Variants in RAB38 observed in about 807,000 individuals in gnomAD.
RAB38 encodes the protein ras-related protein Rab-38.
Under a neutral mutation model 18.4 loss-of-function variants are expected in RAB38, and 15 were observed. The ratio of observed to expected loss-of-function variants is 0.82; its 90% CI spans 0.55 to 1.26. The LOEUF (loss-of-function observed/expected upper bound fraction) is 1.26, where lower values mean the gene tolerates loss of function less well. Ranked by LOEUF, RAB38 falls within the 50% of genes most tolerant of loss-of-function variation. RAB38 has a pLI of 0.00. For missense variants in RAB38, 294 were observed against 267.4 expected (o/e 1.10, Z -0.69); for synonymous variants, 101 against 104.4 (o/e 0.97, Z 0.20).
chr11:88,040,260 A>T, the RAB38 span, among the ~76,000 whole-genome samples: 1 of 152,182 alleles, frequency 6.6e-6, no homozygotes, highest in Non-Finnish European at 1.5e-5. Context: ...TTCATTCTGC[A>T]TCCTCTCTCC....
chr11:87,838,006 A>G, the RAB38 span, among the ~76,000 whole-genome samples: 11 of 152,184 alleles, frequency 7.2e-5, no homozygotes, highest in African/African-American at 2.7e-4. Flanking sequence ...TTTTTAATAA[A>G]TACTTGGTTA....
chr11:87,893,386 A>ATG, the RAB38 span, among the ~76,000 whole-genome samples: 58,733 of 90,710 alleles, frequency 0.65, 18,197 homozygotes, highest in East Asian at 0.82. Context: ...ATATATATAT[A>ATG]TATATTTTTT....
intron 1 of RAB38, among the ~76,000 whole-genome samples, chr11:88,159,240 T>TA (rs1379764951): frequency 4.5e-5 from 5 of 112,018 alleles, no homozygotes; most frequent in South Asian, 2.9e-4. Context: ...TAAATAAAAA[T>TA]AAAATAAAAT....
chr11:88,142,162 G>A (rs1264598324), intron 2 of RAB38, among the ~76,000 whole-genome samples: 1 of 152,188 alleles, frequency 6.6e-6, no homozygotes, highest in Admixed American at 6.5e-5. Flanking sequence ...AAAGACTGCT[G>A]AGAAGCATGG....
At chr11:88,043,041 CT>C in the RAB38 span, among the ~76,000 whole-genome samples, 116,334 of 151,826 alleles carry the variant, frequency 0.77, 45,057 homozygotes, top group African/African-American at 0.88. Flanking sequence ...AACTAATTTC[CT>C]TTTTTTTTAC....
chr11:88,102,478 C>T, the RAB38 span, among the ~76,000 whole-genome samples: 1 of 152,026 alleles, frequency 6.6e-6, no homozygotes, highest in Admixed American at 6.6e-5. Context: ...AGGAATTGCA[C>T]ACAATTTCTG....
rs1482791632 is a variant in RAB38, at chr11:88,175,437, T to A, written c.-53A>T. 1 of 1,575,600 alleles carries A rather than the reference T, an allele frequency of 6.3e-7. No individual in the cohort carries two copies. The highest frequency in any genetic ancestry group is 8.7e-7 in the Non-Finnish European group (1 of 1,152,896). ...CTGACCAGGGAAGCGCAGCCTGGGC[T>A]CTGCGCACGAGAGAGACTTGGGGAG... is the stretch of plus-strand genomic sequence containing the variant. On this transcript the variant is annotated 5_prime_UTR_variant, in exon 1 of 3. Transcript: ENST00000243662.
At chr11:88,042,911 T>A in the RAB38 span, among the ~76,000 whole-genome samples, 1 of 152,160 alleles carries the variant, frequency 6.6e-6, no homozygotes, top group Non-Finnish European at 1.5e-5. Flanking sequence ...GAGGGTAATA[T>A]AAGAAAATTT....
the RAB38 span, among the ~76,000 whole-genome samples, chr11:87,912,735 C>A: frequency 8.2e-6 from 1 of 122,642 alleles, no homozygotes; most frequent in Non-Finnish European, 1.8e-5. Context: ...TTCCTTTTTT[C>A]TACTTACTTT....
the RAB38 span, among the ~76,000 whole-genome samples, chr11:87,814,880 C>A: frequency 6.6e-6 from 1 of 151,944 alleles, no homozygotes; most frequent in Admixed American, 6.6e-5. Flanking sequence ...ACTACAGGCA[C>A]CCACCACAGC....
the RAB38 span, among the ~76,000 whole-genome samples, chr11:87,853,147 T>G: frequency 6.6e-6 from 1 of 152,268 alleles, no homozygotes; most frequent in Non-Finnish European, 1.5e-5. Flanking sequence ...CTGGAAAGGT[T>G]TATGAAGTCC....
the RAB38 span, among the ~76,000 whole-genome samples, chr11:87,868,950 A>G: frequency 4.0e-5 from 6 of 151,644 alleles, no homozygotes; most frequent in African/African-American, 7.3e-5. Context: ...CCCTGGCCCA[A>G]AGGTGAAACC....
chr11:87,887,188 C>T, the RAB38 span, among the ~76,000 whole-genome samples: 9,346 of 152,032 alleles, frequency 0.061, 395 homozygotes, highest in Admixed American at 0.091. Flanking sequence ...GGCTAAGTAA[C>T]TTTTCCAATT....
At chr11:87,922,609 CT>C in the RAB38 span, among the ~76,000 whole-genome samples, 1 of 151,862 alleles carries the variant, frequency 6.6e-6, no homozygotes, top group Non-Finnish European at 1.5e-5. Context: ...GATTTTCCCT[CT>C]TAAAATAAAG....
chr11:87,862,565 C>T, the RAB38 span, among the ~76,000 whole-genome samples: 1 of 151,622 alleles, frequency 6.6e-6, no homozygotes, highest in Admixed American at 6.6e-5. Flanking sequence ...AGGTACTGGG[C>T]TTAATATCTG....
chr11:87,901,152 T>C, the RAB38 span, among the ~76,000 whole-genome samples: 1 of 151,576 alleles, frequency 6.6e-6, no homozygotes, highest in East Asian at 2.0e-4. Context: ...CTAGTTGTCC[T>C]GGTGTATGCC....
the RAB38 span, among the ~76,000 whole-genome samples, chr11:88,053,525 T>C: frequency 6.7e-6 from 1 of 148,616 alleles, no homozygotes; most frequent in African/African-American, 2.4e-5. Flanking sequence ...TCTGTTCATG[T>C]CCTGGAAAAT....
At chr11:88,093,659 C>T in the RAB38 span, among the ~76,000 whole-genome samples, 1 of 151,966 alleles carries the variant, frequency 6.6e-6, no homozygotes, top group East Asian at 1.9e-4. Context: ...AAAGGGCTTT[C>T]TAAAATCTAG....
chr11:87,926,254 A>G, the RAB38 span, among the ~76,000 whole-genome samples: 3 of 152,116 alleles, frequency 2.0e-5, no homozygotes, highest in East Asian at 3.9e-4. Context: ...CTCTGCTTCA[A>G]AAGCTTCAAA....
Sources: gnomAD v4.1 joint callset for allele counts (sites outside exome capture counted in the v4.1 genomes callset) on GRCh38, gnomAD v4.1.1 for gene constraint, MANE v1.5 for transcripts, NCBI Gene and HGNC (gene_info 2026-07-23, HGNC 2026-07-21) for gene names.